The following CSMD3 variants were observed in gnomAD, a reference collection of about 807,000 sequenced individuals.
The protein encoded by CSMD3 is CUB and Sushi multiple domains 3.
Under a neutral mutation model 435.2 loss-of-function variants are expected in CSMD3, and 177 were observed. That is an observed-to-expected ratio of 0.41 (90% CI 0.36 to 0.46). The LOEUF (loss-of-function observed/expected upper bound fraction) is 0.46, where lower values mean the gene tolerates loss of function less well. Ranked by LOEUF, CSMD3 falls within the 20% of genes least tolerant of loss-of-function variation. CSMD3 has a pLI of 0.34. For missense variants in CSMD3, 4,265 were observed against 4,504.6 expected, an observed-to-expected ratio of 0.95 and a Z score of 1.52; for synonymous variants, 1,656 against 1,520.5, an observed-to-expected ratio of 1.09 and a Z score of -2.07.
chr8:112,710,256 G>A (rs2076583793), intron 13 of CSMD3, among the ~76,000 whole-genome samples: 1 of 152,130 alleles, frequency 6.6e-6, no homozygotes, highest in Non-Finnish European at 1.5e-5. Context: ...AAACAGTGGT[G>A]TCAAGTTCTT....
intron 4 of CSMD3, among the ~76,000 whole-genome samples, chr8:113,160,100 C>T (rs1273071568): frequency 1.3e-5 from 2 of 151,796 alleles, no homozygotes; most frequent in African/African-American, 4.8e-5. Context: ...TCTTACATTT[C>T]CTGAAAACAC....
chr8:112,467,076 C>T (rs982054856), intron 32 of CSMD3, among the ~76,000 whole-genome samples: 3 of 152,110 alleles, frequency 2.0e-5, no homozygotes, highest in Non-Finnish European at 4.4e-5. Flanking sequence ...AAAGCCTCTC[C>T]TACAGCAATA....
chr8:113,238,461 T>C (rs1195875118), intron 3 of CSMD3, among the ~76,000 whole-genome samples: 1 of 152,124 alleles, frequency 6.6e-6, no homozygotes, highest in Non-Finnish European at 1.5e-5. Context: ...ACTTCCTACC[T>C]TATTAGTTCT....
intron 35 of CSMD3, among the ~76,000 whole-genome samples, chr8:112,404,683 A>G (rs1211775424): frequency 6.6e-6 from 1 of 152,130 alleles, no homozygotes; most frequent in Non-Finnish European, 1.5e-5. Context: ...AATGTATTTT[A>G]AAAAGGTAAA....
Position 113,321,922 on chromosome 8 carries a change from A to G in CSMD3, c.179-7129T>C, listed in dbSNP as rs925599482. Among the ~76,000 whole-genome samples the G allele has an allele frequency of 2.6e-5, 4 of 152,304 alleles. No individual in the cohort carries two copies. In the East Asian group the frequency reaches 5.8e-4, roughly 22 times the overall value. On this transcript the variant is annotated intron_variant, in intron 1 of 70. Coordinates refer to ENST00000297405, the MANE Select transcript of CSMD3 (RefSeq NM_198123.2). ...AACAATATTTCTTTGCATAATCCCA[A>G]AAGCTTTAAAATTGCAGTATTTTAC...
rs35198612 is a variant in CSMD3, at chr8:112,484,493, C to CCACACA, written c.5278+7990_5278+7995dup. Reference sequence around the variant, plus strand: ...TAATTACTAAGTTGATTCAACACACCCACACACACACACACACACACATAT... The same window carrying CCACACA: ...TAATTACTAAGTTGATTCAACACACCCACACACACACACACACACACACACACATAT... On this transcript the variant is annotated intron_variant, in intron 31 of 70. Coordinates refer to ENST00000297405, the MANE Select transcript of CSMD3 (RefSeq NM_198123.2). Among the ~76,000 whole-genome samples, 340 of 147,276 alleles carry CCACACA rather than the reference C, an allele frequency of 2.3e-3. 3 individuals carry two copies. The highest frequency in any genetic ancestry group is 8.0e-4 in the Non-Finnish European group (53 of 66,290).
chr8:112,455,272 A>G (rs539600150), intron 32 of CSMD3, among the ~76,000 whole-genome samples: 128 of 152,002 alleles, frequency 8.4e-4, no homozygotes, highest in Non-Finnish European at 1.2e-3. Context: ...AAAGAAGGAA[A>G]TCATGTCCTT....
At chr8:113,178,030 T>G (rs2092372663) in intron 3 of CSMD3, among the ~76,000 whole-genome samples, 1 of 151,978 alleles carries the variant, frequency 6.6e-6, no homozygotes, top group Admixed American at 6.6e-5. Flanking sequence ...CTGACACTAT[T>G]TTATTCATCA....
chr8:112,974,859 TA>T (rs1017342935), intron 7 of CSMD3, among the ~76,000 whole-genome samples: 2 of 151,830 alleles, frequency 1.3e-5, no homozygotes, highest in Non-Finnish European at 1.5e-5. Flanking sequence ...GACCATTACT[TA>T]AATCATGGTC....
intron 45 of CSMD3, among the ~76,000 whole-genome samples, chr8:112,324,879 A>G (rs923931813): frequency 2.0e-5 from 3 of 152,116 alleles, no homozygotes; most frequent in Non-Finnish European, 4.4e-5. Context: ...ACTAGAGTCT[A>G]TATTGCAGTG....
intron 24 of CSMD3, among the ~76,000 whole-genome samples, chr8:112,569,513 G>T (rs768865503): frequency 6.6e-6 from 1 of 152,020 alleles, no homozygotes; most frequent in African/African-American, 2.4e-5. Context: ...GAAATAAAAC[G>T]CACTTTAAAG....
In CSMD3 at chr8:112,431,532, A is replaced by G. The variant is rs368714115; in HGVS notation, c.5396-22500T>C. ...AGGGCAATAGGAAAAATGAATGGTG[A>G]TGAGGTATGGTGCGTGTCTACTGTT... On this transcript the variant is annotated intron_variant, in intron 32 of 70. Transcript: ENST00000297405. 2.0e-4 allele frequency among the ~76,000 whole-genome samples: 30 copies of G among 152,258 alleles called. No individual in the cohort carries two copies. The East Asian group carries it at 4.4e-3, about 23-fold the overall frequency.
chr8:112,664,920 T>C (rs2075482603), intron 17 of CSMD3, among the ~76,000 whole-genome samples: 1 of 152,190 alleles, frequency 6.6e-6, no homozygotes, highest in Non-Finnish European at 1.5e-5. Flanking sequence ...CACTTGGTTA[T>C]GGCAGCCCTA....
At chr8:112,671,417 T>C (rs1238494831) in intron 16 of CSMD3, among the ~76,000 whole-genome samples, 1 of 152,074 alleles carries the variant, frequency 6.6e-6, no homozygotes. Context: ...GCTCCAATTA[T>C]CAAACATAAA....
chr8:113,344,610 C>T (rs2094140310), intron 1 of CSMD3, among the ~76,000 whole-genome samples: 1 of 152,114 alleles, frequency 6.6e-6, no homozygotes, highest in Non-Finnish European at 1.5e-5. Flanking sequence ...TTGGCATTCA[C>T]TGTAAGTATC....
intron 27 of CSMD3, among the ~76,000 whole-genome samples, chr8:112,529,562 T>C (rs1825320464): frequency 6.6e-6 from 1 of 152,106 alleles, no homozygotes; most frequent in Non-Finnish European, 1.5e-5. Context: ...CACTCCAGCC[T>C]GGATGACAGA....
chr8:112,979,635 G>GA (rs1335130814), intron 6 of CSMD3, among the ~76,000 whole-genome samples: 1 of 151,144 alleles, frequency 6.6e-6, no homozygotes, highest in East Asian at 1.9e-4. Flanking sequence ...TTTCATTTTT[G>GA]AAAAAAATTA....
At chr8:112,231,414 T>A in intron 69 of CSMD3, 131 bp downstream of exon 69, 1 of 712,884 alleles carries the variant, frequency 1.4e-6, no homozygotes, top group Non-Finnish European at 2.5e-6. Flanking sequence ...ATCAAAGGTA[T>A]CAATGCATAG....
At chr8:113,285,279 TGACAG>T (rs2093638001) in intron 2 of CSMD3, among the ~76,000 whole-genome samples, 1 of 146,010 alleles carries the variant, frequency 6.8e-6, no homozygotes, top group South Asian at 2.2e-4. Flanking sequence ...TTTTTTTTTT[TGACAG>T]AGTCTAGCTC....
Sources: gnomAD v4.1 joint callset for allele counts (sites outside exome capture counted in the v4.1 genomes callset) on GRCh38, gnomAD v4.1.1 for gene constraint, MANE v1.5 for transcripts, NCBI Gene and HGNC (gene_info 2026-07-23, HGNC 2026-07-21) for gene names.